Variants in BBOX1 observed in about 807,000 individuals in gnomAD.
BBOX1 encodes gamma-butyrobetaine hydroxylase 1, also known as gamma-butyrobetaine dioxygenase.
A neutral mutation model predicts 41.6 loss-of-function variants in BBOX1; 35 were observed. That is an observed-to-expected ratio of 0.84 (90% CI 0.64 to 1.11). The LOEUF is 1.11. Among genes scored for constraint, BBOX1 ranks in the 50% most tolerant of loss-of-function variants. The probability of loss-of-function intolerance (pLI) is 0.00; values close to 1 mark genes in which losing one functional copy is unlikely to be tolerated. For synonymous variants in BBOX1, 163 were observed against 154.7 expected, an observed-to-expected ratio of 1.05 and a Z score of -0.40; for missense variants, 458 against 460.6, an observed-to-expected ratio of 0.99 and a Z score of 0.05.
chr11:27,103,768 T>C (rs572657059), intron 5 of BBOX1, among the ~76,000 whole-genome samples: 1 of 152,086 alleles, frequency 6.6e-6, no homozygotes, highest in Non-Finnish European at 1.5e-5. Context: ...CTTTCTGACA[T>C]GTACTGCCTG....
intron 4 of BBOX1, among the ~76,000 whole-genome samples, chr11:27,060,297 A>G (rs77303649): frequency 6.6e-6 from 1 of 152,032 alleles, no homozygotes; most frequent in South Asian, 2.1e-4. Flanking sequence ...TGCTTTTGCT[A>G]TGTGATCTGC....
chr11:27,122,841 C>T (rs553850146), intron 7 of BBOX1, among the ~76,000 whole-genome samples: 1 of 151,548 alleles, frequency 6.6e-6, no homozygotes, highest in Non-Finnish European at 1.5e-5. Context: ...TTTGCTGGTT[C>T]ACTGCCACTA....
intron 5 of BBOX1, among the ~76,000 whole-genome samples, chr11:27,104,461 CTAGA>C (rs1220027604): frequency 9.9e-5 from 15 of 152,144 alleles, no homozygotes; most frequent in Non-Finnish European, 1.9e-4. Context: ...AATTTTCACT[CTAGA>C]TGTTGTATAG....
intron 5 of BBOX1, among the ~76,000 whole-genome samples, chr11:27,098,157 T>G (rs765478041): frequency 1.3e-5 from 2 of 152,038 alleles, no homozygotes; most frequent in African/African-American, 4.8e-5. Flanking sequence ...TGGCTGCTTT[T>G]TGGCCTTTCT....
At chr11:27,114,632 A>G (rs1859191338) in intron 5 of BBOX1, among the ~76,000 whole-genome samples, 1 of 151,872 alleles carries the variant, frequency 6.6e-6, no homozygotes, top group Non-Finnish European at 1.5e-5. Context: ...AAGCATGCCA[A>G]TATCATTCAA....
chr11:27,063,225 C>T (rs1857183811), intron 4 of BBOX1, among the ~76,000 whole-genome samples: 1 of 152,070 alleles, frequency 6.6e-6, no homozygotes, highest in Non-Finnish European at 1.5e-5. Flanking sequence ...GTACATGTTT[C>T]CAAACATATG....
In BBOX1 at chr11:27,127,392, A is replaced by T; in HGVS notation, c.1103A>T (p.Asp368Val). The T allele has an allele frequency of 6.2e-7, 1 of 1,614,136 alleles. No homozygotes were observed. The highest frequency in any genetic ancestry group is 8.5e-7 in the Non-Finnish European group (1 of 1,180,008). The change falls in exon 9 of 9, where the codon GAC becomes GTC. Residue 368 changes from aspartate to valine, a missense_variant. Physicochemically the swap from Asp to Val is radical, Grantham distance 152. Coordinates refer to ENST00000263182, the MANE Select transcript of BBOX1 (RefSeq NM_003986.3). ...ISRHLEGAYA[D>V]WDVVMSRLRI... The stretch of plus-strand genomic sequence containing the variant: ...CGCCATCTAGAAGGAGCTTATGCTG[A>T]CTGGGATGTGGTCATGTCAAGGCTT...
chr11:27,067,317 G>A (rs569327113), intron 4 of BBOX1, among the ~76,000 whole-genome samples: 3 of 152,066 alleles, frequency 2.0e-5, no homozygotes, highest in South Asian at 2.1e-4. Context: ...TAGCGCACCC[G>A]TCACCCAAGT....
chr11:27,052,461 C>G (rs2133954547), intron 2 of BBOX1, among the ~76,000 whole-genome samples: 1 of 152,104 alleles, frequency 6.6e-6, no homozygotes, highest in Non-Finnish European at 1.5e-5. Context: ...AGAATGAAAC[C>G]CAAACTCCTT....
chr11:27,077,323 G>A (rs1029105028), intron 4 of BBOX1, among the ~76,000 whole-genome samples: 2 of 152,046 alleles, frequency 1.3e-5, no homozygotes, highest in Non-Finnish European at 2.9e-5. Flanking sequence ...CTCCAGTGCC[G>A]GGTAGGATTA....
At chr11:27,043,791 G>T (rs899436899) in intron 2 of BBOX1, among the ~76,000 whole-genome samples, 1 of 152,096 alleles carries the variant, frequency 6.6e-6, no homozygotes, top group Non-Finnish European at 1.5e-5. Context: ...TTTTATGGCT[G>T]CATAGTATTC....
At chr11:27,087,637 A>G (rs969599286) in intron 4 of BBOX1, among the ~76,000 whole-genome samples, 3 of 152,056 alleles carry the variant, frequency 2.0e-5, no homozygotes, top group Non-Finnish European at 2.9e-5. Flanking sequence ...GGGTATGTCT[A>G]TATCCCTGAA....
intron 4 of BBOX1, among the ~76,000 whole-genome samples, chr11:27,064,531 T>C (rs1164125862): frequency 6.6e-6 from 1 of 152,156 alleles, no homozygotes; most frequent in Non-Finnish European, 1.5e-5. Context: ...GAAATGAATA[T>C]AGCTATCTCA....
chr11:27,099,841 G>A (rs1858582972), intron 5 of BBOX1, among the ~76,000 whole-genome samples: 3 of 152,096 alleles, frequency 2.0e-5, no homozygotes, highest in African/African-American at 7.2e-5. Flanking sequence ...AAGTTTGCTT[G>A]AAAAATGTAG....
chr11:27,089,128 T>C (rs969102191), intron 4 of BBOX1, among the ~76,000 whole-genome samples: 2 of 151,902 alleles, frequency 1.3e-5, no homozygotes, highest in Non-Finnish European at 2.9e-5. Flanking sequence ...CTCCATGCTC[T>C]TTTCTTCATG....
In BBOX1 at chr11:27,056,365, C is replaced by G. The variant is rs140701775; in HGVS notation, c.219+716C>G. ...TTCCGCCTCCCGGGTTCAAGCAATT[C>G]TCCTGCCTCAGCCTCCCAAGTAGCT... is the stretch of plus-strand genomic sequence containing the variant. On this transcript the variant is annotated intron_variant, in intron 3 of 8. Transcript: ENST00000263182. Among the ~76,000 whole-genome samples the G allele has an allele frequency of 5.2e-3, 797 of 152,238 alleles. 14 individuals carry two copies. The highest frequency in any genetic ancestry group is 0.018 in the African/African-American group (753 of 41,542).
intron 5 of BBOX1, among the ~76,000 whole-genome samples, chr11:27,106,330 G>A (rs1023534287): frequency 6.6e-6 from 1 of 151,830 alleles, no homozygotes; most frequent in Non-Finnish European, 1.5e-5. Context: ...TCAGCATGCT[G>A]TATTCAGGAG....
chr11:27,045,037 G>A (rs772847793), intron 2 of BBOX1, among the ~76,000 whole-genome samples: 3 of 152,136 alleles, frequency 2.0e-5, no homozygotes, highest in East Asian at 1.9e-4. Flanking sequence ...CCATTTTCAC[G>A]ATATTGATTC....
intron 4 of BBOX1, among the ~76,000 whole-genome samples, chr11:27,058,272 C>CA (rs1857044087): frequency 1.3e-5 from 2 of 152,128 alleles, no homozygotes; most frequent in Non-Finnish European, 2.9e-5. Context: ...AGAAGTTGAG[C>CA]AGATGTCAGT....
Sources: allele counts gnomAD v4.1 joint callset (sites outside exome capture counted in the v4.1 genomes callset), GRCh38; gene constraint gnomAD v4.1.1; transcripts MANE v1.5; gene names NCBI Gene and HGNC (gene_info 2026-07-23, HGNC 2026-07-21).